Variants in KMT5A observed in about 807,000 individuals in gnomAD.
KMT5A encodes the protein lysine methyltransferase 5A, also known as N-lysine methyltransferase KMT5A.
A neutral mutation model predicts 40.6 loss-of-function variants in KMT5A; 6 were observed. That is an observed-to-expected ratio of 0.15 (90% CI 0.08 to 0.29). The LOEUF (loss-of-function observed/expected upper bound fraction) is 0.29, where lower values mean the gene tolerates loss of function less well. Ranked by LOEUF, KMT5A falls within the 10% of genes least tolerant of loss-of-function variation. The probability of loss-of-function intolerance (pLI) is 1.00; values close to 1 mark genes in which losing one functional copy is unlikely to be tolerated. For synonymous variants in KMT5A, 153 were observed against 178.8 expected (o/e 0.86, Z 1.15); for missense variants, 308 against 459.1 (o/e 0.67, Z 3.01).
chr12:123,406,458 G>T (rs1878564088), intron 7 of KMT5A, among the ~76,000 whole-genome samples: 1 of 152,158 alleles, frequency 6.6e-6, no homozygotes, highest in Non-Finnish European at 1.5e-5. Flanking sequence ...GGGATTACAG[G>T]CATGCGCCAC....
At chr12:123,394,315 C>T (rs1877531401) in intron 3 of KMT5A, among the ~76,000 whole-genome samples, 1 of 152,050 alleles carries the variant, frequency 6.6e-6, no homozygotes, top group African/African-American at 2.4e-5. Context: ...GTTGGCCAGG[C>T]TGGTCTTGAA....
At chr12:123,406,518 T>C (rs1321216071) in intron 7 of KMT5A, among the ~76,000 whole-genome samples, 1 of 152,054 alleles carries the variant, frequency 6.6e-6, no homozygotes. Context: ...TTCACCATGG[T>C]GGCCAGGCTG....
intron 7 of KMT5A, among the ~76,000 whole-genome samples, chr12:123,406,196 G>C (rs927249905): frequency 1.3e-5 from 2 of 152,240 alleles, no homozygotes; most frequent in African/African-American, 4.8e-5. Flanking sequence ...CTAGTCACAT[G>C]AAAACCTGTT....
chr12:123,395,828 C>T (rs533025493), intron 4 of KMT5A, among the ~76,000 whole-genome samples: 2 of 151,774 alleles, frequency 1.3e-5, no homozygotes, highest in African/African-American at 4.8e-5. Flanking sequence ...CTCCCAAAGT[C>T]CTGGGATTAC....
chr12:123,394,177 C>G (rs576386728), intron 3 of KMT5A, among the ~76,000 whole-genome samples: 6 of 140,174 alleles, frequency 4.3e-5, no homozygotes, highest in African/African-American at 1.6e-4. Flanking sequence ...GATCTTAGCT[C>G]ACTGCAACCT....
chr12:123,407,678 A>C lies in KMT5A; in HGVS notation c.1034A>C (p.Glu345Ala), dbSNP rs1273140582. The change falls in exon 8 of 8, where the codon GAA becomes GCA. Residue 345 changes from glutamate to alanine, a missense_variant. Glu to Ala is a moderately radical substitution (Grantham distance 107). Transcript: ENST00000402868. ...GGGGACCGCAGCAAGGCTTCCATTG[A>C]AGCCCACCCGTGGCTGAAGCATTAA... The part of the protein sequence containing the change: ...DYGDRSKASI[E>A]AHPWLKH 2 of 1,613,492 alleles carry C rather than the reference A, an allele frequency of 1.2e-6. No individual in the cohort carries two copies. Among genetic ancestry groups the C allele is most frequent in the Non-Finnish European group, 1.7e-6 (2 of 1,179,740 alleles).
chr12:123,404,259 G>A (rs1057397547), intron 6 of KMT5A, among the ~76,000 whole-genome samples: 4 of 152,140 alleles, frequency 2.6e-5, no homozygotes, highest in Non-Finnish European at 5.9e-5. Flanking sequence ...CTACAGTGGG[G>A]TTCAGATGGG....
intron 1 of KMT5A, among the ~76,000 whole-genome samples, chr12:123,387,669 T>C (rs561997246): frequency 4.5e-4 from 68 of 152,298 alleles, no homozygotes; most frequent in African/African-American, 1.5e-3. Context: ...TTGGGAGGGA[T>C]TGTCTGAGCA....
At chr12:123,407,370 A>G (rs1296732848) in intron 7 of KMT5A, 123 bp from the exon 8 acceptor site, 1 of 952,086 alleles carries the variant, frequency 1.1e-6, no homozygotes, top group Non-Finnish European at 1.6e-6. Context: ...TTATGAATTG[A>G]ATCTTTTCAA....
intron 5 of KMT5A, among the ~76,000 whole-genome samples, chr12:123,402,111 T>A (rs1566081113): frequency 6.6e-6 from 1 of 152,188 alleles, no homozygotes; most frequent in Non-Finnish European, 1.5e-5. Context: ...CTAACTCCTG[T>A]CCTTAAGCGA....
rs374294423 is a variant in KMT5A, at chr12:123,405,029, C to A, written c.803C>A (p.Thr268Lys). ...GCTCTGTACGCACAGGACCCTTCCA[C>A]GGGCTGCTACATGTACTATTTTCAG... ...REALYAQDPS[T>K]GCYMYYFQYL... is the part of the protein sequence containing the mutation. Residue 268 changes from threonine (T) to lysine (K), a missense_variant, in exon 7 of 8, where the codon ACG becomes AAG. Physicochemically the swap from Thr to Lys is moderately conservative, Grantham distance 78. Transcript: ENST00000402868. 3.1e-6 allele frequency: 5 copies of A among 1,614,090 alleles called. No individual in the cohort carries two copies.
chr12:123,395,375 C>A, intron 4 of KMT5A, 109 bp downstream of exon 4: 1 of 1,094,546 alleles, frequency 9.1e-7, no homozygotes, highest in Non-Finnish European at 1.3e-6. Context: ...CTCTCAGCCT[C>A]TCTCATGTCA....
rs1878641487 is a variant in KMT5A at position 123,407,494 on chromosome 12, G to A, written c.850G>A (p.Val284Met). ...YFQYLSKTYCVDATRETNRLG... is the reference protein window; with the variant it reads ...YFQYLSKTYCMDATRETNRLG... Reference sequence around the variant, plus strand: ...TCTCTGGCCCTCCTTCCCCTCCAGCGTGGATGCAACTAGAGAGACAAATCG... The same window carrying A: ...TCTCTGGCCCTCCTTCCCCTCCAGCATGGATGCAACTAGAGAGACAAATCG... The change falls in exon 8 of 8, where the codon GTG (valine) becomes ATG (methionine). Residue 284 changes from valine (V) to methionine (M), a missense_variant and splice_region_variant. Physicochemically the swap from Val to Met is conservative, Grantham distance 21. Around this residue, in one of 4 missense-constraint regions of KMT5A, gnomAD observed 77 missense variants for 220.0 expected, o/e 0.35. Coordinates refer to ENST00000402868, the MANE Select transcript of KMT5A (RefSeq NM_020382.7). 2 of 1,613,880 alleles carry A rather than the reference G, an allele frequency of 1.2e-6. No homozygotes were observed. Among genetic ancestry groups the A allele is most frequent in the Non-Finnish European group, 1.7e-6 (2 of 1,179,836 alleles).
intron 3 of KMT5A, among the ~76,000 whole-genome samples, chr12:123,392,474 A>G (rs1877385314): frequency 6.6e-6 from 1 of 152,012 alleles, no homozygotes; most frequent in Non-Finnish European, 1.5e-5. Flanking sequence ...CCTGGGCAAC[A>G]TAGTGAGGCC....
rs1876767075 is a variant in KMT5A at position 123,384,768 on chromosome 12, A to G, written c.10+560A>G. Among the ~76,000 whole-genome samples the G allele has an allele frequency of 2.6e-5, 4 of 152,344 alleles. No homozygotes were observed. In the South Asian group the frequency reaches 8.3e-4, roughly 32 times the overall value. The stretch of plus-strand genomic sequence containing the variant: ...GGCCCCGCTGGCCCACTTTGGGGTA[A>G]AACGGGTTCCTGGCATCTCGCGGGC... On this transcript the variant is annotated intron_variant, in intron 1 of 7. Transcript: ENST00000402868. This position sits in a 1 kb window ranked among gnomAD's most constrained non-coding sequence, Gnocchi z 5.7.
At chr12:123,398,774 G>A (rs953650906) in intron 5 of KMT5A, among the ~76,000 whole-genome samples, 21 of 152,340 alleles carry the variant, frequency 1.4e-4, no homozygotes, top group African/African-American at 5.1e-4. Context: ...CCCAAGAACG[G>A]GACAGCTGGG....
chr12:123,384,237 C>T lies in KMT5A; in HGVS notation c.10+29C>T. ...TTTGCCCAAGTGGCCGGCACCGGAG[C>T]GGCTGGGTCGGGGGTCGTGCTGGAG... On this transcript the variant is annotated intron_variant, in intron 1 of 7. Transcript: ENST00000402868. The surrounding 1 kb of genome is among the most constrained non-coding windows in gnomAD (Gnocchi z 5.7). 3 of 1,611,810 alleles carry T rather than the reference C, an allele frequency of 1.9e-6. No homozygotes were observed. Among genetic ancestry groups the T allele is most frequent in the Non-Finnish European group, 2.5e-6 (3 of 1,179,256 alleles).
rs1876779962 is a variant in KMT5A at position 123,384,852 on chromosome 12, G to A, written c.10+644G>A. The stretch of plus-strand genomic sequence containing the variant: ...GCCCCCCGGTAGATGGCTTGGGTGG[G>A]CTTGTACAGCCCTGGGAGGCGATGC... On this transcript the variant is annotated intron_variant, in intron 1 of 7. Transcript: ENST00000402868. The surrounding 1 kb of genome is among the most constrained non-coding windows in gnomAD (Gnocchi z 5.7). Among the ~76,000 whole-genome samples, 1 of 152,288 alleles carries A rather than the reference G, an allele frequency of 6.6e-6. No homozygotes were observed. Among genetic ancestry groups the A allele is most frequent in the African/African-American group, 2.4e-5 (1 of 41,564 alleles).
chr12:123,406,185 G>C (rs1424096556), intron 7 of KMT5A, among the ~76,000 whole-genome samples: 2 of 152,184 alleles, frequency 1.3e-5, no homozygotes, highest in Admixed American at 1.3e-4. Flanking sequence ...GGAGAAGTGG[G>C]CTAGTCACAT....
Sources: gnomAD v4.1 joint callset for allele counts (sites outside exome capture counted in the v4.1 genomes callset) on GRCh38, gnomAD v4.1.1 for gene constraint, gnomAD v4.1.1 regional missense constraint, Gnocchi (gnomAD v3.1) non-coding constraint, MANE v1.5 for transcripts, NCBI Gene and HGNC (gene_info 2026-07-23, HGNC 2026-07-21) for gene names.